NEXN: variants seen among roughly 807,000 people sequenced by gnomAD.
NEXN encodes the protein nexilin.
A neutral mutation model predicts 92.6 loss-of-function variants in NEXN; 65 were observed. The ratio of observed to expected loss-of-function variants is 0.70; its 90% confidence interval spans 0.57 to 0.86. The LOEUF is 0.86. Ranked by LOEUF, NEXN falls within the 40% of genes least tolerant of loss-of-function variation. The pLI is 0.00. For synonymous variants in NEXN, 254 were observed against 242.5 expected (o/e 1.05, Z -0.44); for missense variants, 778 against 771.1 (o/e 1.01, Z -0.11).
chr1:77,924,451 T>C (rs183825405), intron 5 of NEXN, among the ~76,000 whole-genome samples: 1 of 152,292 alleles, frequency 6.6e-6, no homozygotes. Context: ...TAAAATATAA[T>C]CATGACAAGT....
chr1:77,897,957 A>T (rs1446685673), intron 1 of NEXN, among the ~76,000 whole-genome samples: 19 of 151,998 alleles, frequency 1.3e-4, no homozygotes, highest in Non-Finnish European at 2.5e-4. Flanking sequence ...TTACAAGGGA[A>T]GTGAAGGACC....
intron 1 of NEXN, among the ~76,000 whole-genome samples, chr1:77,894,513 T>A (rs1200561017): frequency 1.3e-5 from 2 of 152,058 alleles, no homozygotes; most frequent in Non-Finnish European, 2.9e-5. Flanking sequence ...TGATCAGGGT[T>A]CACTGCAGTC....
At chr1:77,938,333 T>A (rs1650953995) in intron 11 of NEXN, among the ~76,000 whole-genome samples, 1 of 152,130 alleles carries the variant, frequency 6.6e-6, no homozygotes, top group Non-Finnish European at 1.5e-5. Flanking sequence ...GGGATATATA[T>A]GTGGATATAA....
Position 77,916,314 on chromosome 1 carries a change from C to T in NEXN, c.27+181C>T, listed in dbSNP as rs543627725. Among the ~76,000 whole-genome samples the T allele has an allele frequency of 1.1e-4, 16 of 152,198 alleles. No individual in the cohort carries two copies. In the South Asian group the frequency reaches 2.9e-3, roughly 28 times the overall value. ...CCAGCTGGTCTTGGGCTAGTATTTT[C>T]ATTTGGGTTCTAGGAAATTCTACAA... On this transcript the variant is annotated intron_variant, in intron 2 of 12. Coordinates refer to ENST00000334785, the MANE Select transcript of NEXN (RefSeq NM_144573.4).
intron 5 of NEXN, among the ~76,000 whole-genome samples, chr1:77,920,068 T>G (rs1557976571): frequency 6.6e-6 from 1 of 151,966 alleles, no homozygotes; most frequent in Non-Finnish European, 1.5e-5. Context: ...CCAGCTAATT[T>G]TTTTGTATTT....
At chr1:77,906,822 ATTT>A (rs550823621) in intron 1 of NEXN, among the ~76,000 whole-genome samples, 1 of 150,804 alleles carries the variant, frequency 6.6e-6, no homozygotes, top group African/African-American at 2.4e-5. Flanking sequence ...ACCCAGATTA[ATTT>A]TTTTTTAAAT....
chr1:77,903,191 A>G (rs1018552972), intron 1 of NEXN, among the ~76,000 whole-genome samples: 2 of 152,146 alleles, frequency 1.3e-5, no homozygotes, highest in African/African-American at 2.4e-5. Flanking sequence ...TGAGGGCAGA[A>G]AGAATGGTGG....
At chr1:77,904,555 T>C (rs1244815677) in intron 1 of NEXN, among the ~76,000 whole-genome samples, 5 of 152,194 alleles carry the variant, frequency 3.3e-5, no homozygotes, top group African/African-American at 1.2e-4. Context: ...GTGATAGCTT[T>C]TGGGGGTTAT....
At chr1:77,910,063 G>A (rs951206855) in intron 1 of NEXN, among the ~76,000 whole-genome samples, 1 of 152,124 alleles carries the variant, frequency 6.6e-6, no homozygotes, top group Non-Finnish European at 1.5e-5. Flanking sequence ...ATCAGTTAAT[G>A]TAACTCACAA....
intron 9 of NEXN, among the ~76,000 whole-genome samples, chr1:77,932,369 G>A (rs1175452047): frequency 7.9e-5 from 12 of 152,144 alleles, no homozygotes; most frequent in Admixed American, 7.9e-4. Flanking sequence ...TAGGGTCATA[G>A]GATTAAATAA....
intron 9 of NEXN, chr1:77,933,037 T>G (rs1650434152): frequency 2.9e-6 from 1 of 347,884 alleles, no homozygotes; most frequent in African/African-American, 2.1e-5. Context: ...GGCGCATGCC[T>G]GTAATCCCAG....
chr1:77,919,327 G>A (rs556417668), intron 5 of NEXN, among the ~76,000 whole-genome samples: 2 of 152,190 alleles, frequency 1.3e-5, no homozygotes, highest in South Asian at 4.1e-4. Context: ...CATATCAGCT[G>A]GTCTTTTAAG....
intron 1 of NEXN, among the ~76,000 whole-genome samples, chr1:77,899,815 G>A (rs1272346909): frequency 6.6e-6 from 1 of 152,018 alleles, no homozygotes; most frequent in African/African-American, 2.4e-5. Flanking sequence ...TAAATAATGA[G>A]TCACCATGTC....
chr1:77,920,744 C>T (rs928692170), intron 5 of NEXN, among the ~76,000 whole-genome samples: 3 of 151,644 alleles, frequency 2.0e-5, no homozygotes, highest in Non-Finnish European at 4.4e-5. Flanking sequence ...TTGAGGATAC[C>T]CTGATGAGCA....
At chr1:77,910,748 CAAAA>C (rs751080251) in intron 1 of NEXN, among the ~76,000 whole-genome samples, 1 of 42,880 alleles carries the variant, frequency 2.3e-5, no homozygotes, top group Non-Finnish European at 5.2e-5. Flanking sequence ...GAGACTGTCT[CAAAA>C]AAAAAAAAAA....
intron 12 of NEXN, 37 bp downstream of exon 12, chr1:77,942,245 C>A: frequency 6.3e-7 from 1 of 1,593,482 alleles, no homozygotes; most frequent in Non-Finnish European, 8.6e-7. Flanking sequence ...TCCAAAGATG[C>A]CCTCTTAAAA....
rs765051104 is a variant in NEXN at position 77,929,367 on chromosome 1, C to T, written c.916C>T (p.Arg306Cys). The change falls in exon 9 of 13, where the codon CGC becomes TGC. Residue 306 changes from arginine to cysteine, a missense_variant. Around this residue, in one of 3 missense-constraint regions of NEXN, gnomAD observed 532 missense variants for 476.7 expected, o/e 1.12. Coordinates refer to ENST00000334785, the MANE Select transcript of NEXN (RefSeq NM_144573.4). ...CACAGCAAAAATTTTTAAAGGGTAC[C>T]GCCCTGGTAAACTCAAACTCAGTTT... ...QDTAKIFKGYRPGKLKLSFEE... is the reference protein window; with the variant it reads ...QDTAKIFKGYCPGKLKLSFEE... 10 of 1,613,452 alleles carry T rather than the reference C, an allele frequency of 6.2e-6. No homozygotes were observed. Among genetic ancestry groups the T allele is most frequent in the African/African-American group, 5.4e-5 (4 of 74,764 alleles).
At chr1:77,928,490 A>G (rs960231306) in intron 8 of NEXN, among the ~76,000 whole-genome samples, 1 of 151,972 alleles carries the variant, frequency 6.6e-6, no homozygotes, top group Non-Finnish European at 1.5e-5. Context: ...CACATTTTAG[A>G]TATTTCTGGT....
In NEXN at chr1:77,942,534, G is replaced by A; in HGVS notation, c.1733G>A (p.Arg578Lys). 6.2e-7 allele frequency: 1 copy of A among 1,613,892 alleles called. No individual in the cohort carries two copies. The highest frequency in any genetic ancestry group is 1.1e-5 in the South Asian group (1 of 91,066). Residue 578 changes from arginine (R) to lysine (K), a missense_variant, in exon 13 of 13, where the codon AGA becomes AAA. By Grantham distance (26) the Arg-to-Lys change is conservative. Around this residue, in one of 3 missense-constraint regions of NEXN, gnomAD observed 532 missense variants for 476.7 expected, o/e 1.12. Transcript: ENST00000334785. ...ACTGCTGAAGATGAAGAGCAAACCA[G>A]ATCAGGAGCTCCATGGTTCAAGAAG... is the stretch of plus-strand genomic sequence containing the variant. The part of the protein sequence containing the change: ...GSTAEDEEQT[R>K]SGAPWFKKPL...
Sources: allele counts gnomAD v4.1 joint callset (sites outside exome capture counted in the v4.1 genomes callset), GRCh38; gene constraint gnomAD v4.1.1; regional missense constraint gnomAD v4.1.1; transcripts MANE v1.5; gene names NCBI Gene and HGNC (gene_info 2026-07-23, HGNC 2026-07-21).